Variants in KDM4C observed in about 807,000 individuals in gnomAD.
The protein encoded by KDM4C is lysine demethylase 4C.
Under a neutral mutation model 129.3 loss-of-function variants are expected in KDM4C, and 81 were observed. The ratio of observed to expected loss-of-function variants is 0.63; its 90% CI spans 0.52 to 0.75. The LOEUF is 0.75. KDM4C is among the 30% of genes least tolerant of loss of function. The pLI is 0.00. For synonymous variants in KDM4C, 573 were observed against 456.1 expected (o/e 1.26, Z -3.26); for missense variants, 1,457 against 1,304.0 (o/e 1.12, Z -1.81).
chr9:6,829,627 C>T (rs114963633), intron 4 of KDM4C, among the ~76,000 whole-genome samples: 3,522 of 152,280 alleles, frequency 0.023, 95 homozygotes, highest in African/African-American at 0.077. Flanking sequence ...GGAGACCCCC[C>T]TTTCCTATTC....
intron 8 of KDM4C, 65 bp downstream of exon 8, chr9:6,893,297 C>G (rs779901490): frequency 5.3e-5 from 71 of 1,346,778 alleles, no homozygotes; most frequent in Admixed American, 2.2e-4. Context: ...AGTAGGAACC[C>G]TACGATCCTG....
intron 1 of KDM4C, among the ~76,000 whole-genome samples, chr9:6,780,428 A>G (rs1305611493): frequency 4.0e-5 from 6 of 151,802 alleles, no homozygotes; most frequent in Non-Finnish European, 8.8e-5. Flanking sequence ...CTTCTCAAGT[A>G]TCCTAATTCT....
Position 6,822,978 on chromosome 9 carries a change from C to A in KDM4C, c.435+8233C>A, listed in dbSNP as rs148075356. ...AAGGATCATCAGGTTTGTGTTCTGT[C>A]CTATTTTGGGCTGCATTTCTAGCAA... On this transcript the variant is annotated intron_variant, in intron 4 of 21. Transcript: ENST00000381309. 9.6e-4 allele frequency among the ~76,000 whole-genome samples: 146 copies of A among 152,250 alleles called. No homozygotes were observed. In the East Asian group the frequency reaches 0.017, roughly 17 times the overall value.
chr9:7,001,828 TG>T (rs1820774905), intron 12 of KDM4C, among the ~76,000 whole-genome samples: 1 of 152,156 alleles, frequency 6.6e-6, no homozygotes, highest in African/African-American at 2.4e-5. Flanking sequence ...TGCCATCTTT[TG>T]ACTTTGTATT....
intron 1 of KDM4C, among the ~76,000 whole-genome samples, chr9:6,786,480 A>C (rs2130814141): frequency 6.6e-6 from 1 of 152,342 alleles, no homozygotes; most frequent in Admixed American, 6.5e-5. Flanking sequence ...TTGCCTTCAG[A>C]GATAGTATTG....
chr9:7,159,285 A>G (rs1843523254), intron 19 of KDM4C, among the ~76,000 whole-genome samples: 1 of 152,130 alleles, frequency 6.6e-6, no homozygotes, highest in African/African-American at 2.4e-5. Flanking sequence ...TTCTTTATCC[A>G]GTTTGCCAGT....
At chr9:7,077,341 C>T (rs867779339) in intron 17 of KDM4C, 2 of 485,810 alleles carry the variant, frequency 4.1e-6, no homozygotes, top group Non-Finnish European at 2.7e-6. Context: ...TGCCCCTCCC[C>T]TCAACTACGG....
intron 4 of KDM4C, among the ~76,000 whole-genome samples, chr9:6,831,755 T>G (rs1167471230): frequency 6.6e-6 from 1 of 152,200 alleles, no homozygotes; most frequent in East Asian, 1.9e-4. Context: ...AAAGGGCTTG[T>G]GCCTGCTGAG....
intron 19 of KDM4C, among the ~76,000 whole-genome samples, chr9:7,154,149 G>A (rs1393512594): frequency 1.3e-5 from 2 of 152,198 alleles, no homozygotes; most frequent in Non-Finnish European, 2.9e-5. Context: ...ATTAGACTGG[G>A]GAGAAGGGGG....
intron 18 of KDM4C, among the ~76,000 whole-genome samples, chr9:7,108,833 A>C (rs1837997426): frequency 6.6e-6 from 1 of 152,234 alleles, no homozygotes; most frequent in African/African-American, 2.4e-5. Flanking sequence ...CTAGAATAGT[A>C]GTTCTTATCC....
At chr9:6,761,071 G>A (rs1224073441) in intron 1 of KDM4C, among the ~76,000 whole-genome samples, 4 of 146,190 alleles carry the variant, frequency 2.7e-5, no homozygotes, top group Non-Finnish European at 4.5e-5. Flanking sequence ...TGCCAATGGC[G>A]CGATCTCGGC....
At chr9:6,936,070 C>G (rs1056084328) in intron 8 of KDM4C, among the ~76,000 whole-genome samples, 1 of 152,006 alleles carries the variant, frequency 6.6e-6, no homozygotes, top group Non-Finnish European at 1.5e-5. Flanking sequence ...ACTTATTTGG[C>G]TTTCAAATGG....
chr9:6,919,172 G>GT (rs767519827), intron 8 of KDM4C, among the ~76,000 whole-genome samples: 1 of 151,700 alleles, frequency 6.6e-6, no homozygotes, highest in Non-Finnish European at 1.5e-5. Context: ...CATTGGGGTT[G>GT]TTTTTTGCTT....
intron 8 of KDM4C, among the ~76,000 whole-genome samples, chr9:6,918,931 A>C (rs1563811506): frequency 6.6e-6 from 1 of 152,004 alleles, no homozygotes; most frequent in African/African-American, 2.4e-5. Context: ...AGCTCACTGC[A>C]ACCTCTGCTG....
At chr9:6,834,405 A>C (rs932451709) in intron 4 of KDM4C, 2 of 393,890 alleles carry the variant, frequency 5.1e-6, no homozygotes, top group Non-Finnish European at 9.8e-6. Context: ...GTGAGCACAG[A>C]CCCTGGCCCT....
rs779546036 is a variant in KDM4C at position 7,128,107 on chromosome 9, G to A, written c.2652G>A (p.Thr884=). The change falls in exon 19 of 22, where the codon ACG becomes ACA. Residue 884 remains threonine (T), a synonymous_variant. Coordinates refer to ENST00000381309, the MANE Select transcript of KDM4C (RefSeq NM_015061.6). ...AGAAGGTCATTTCCGTGGGTCAAACGGTCATCACGAAGCATCGGAACACCC... is the reference window on the plus strand; with the variant it reads ...AGAAGGTCATTTCCGTGGGTCAAACAGTCATCACGAAGCATCGGAACACCC... ...ACEKVISVGQ[T]VITKHRNTRY... 11 of 1,608,306 alleles carry A rather than the reference G, an allele frequency of 6.8e-6. No homozygotes were observed. Among genetic ancestry groups the A allele is most frequent in the South Asian group, 3.3e-5 (3 of 90,082 alleles).
chr9:6,990,303 C>T, intron 11 of KDM4C, 113 bp from the exon 12 acceptor site: 1 of 737,698 alleles, frequency 1.4e-6, no homozygotes, highest in Non-Finnish European at 2.3e-6. Flanking sequence ...AGGTAAACAA[C>T]CACAAGATTT....
At chr9:7,013,591 C>T (rs1284395648) in intron 13 of KDM4C, among the ~76,000 whole-genome samples, 197 bp from the exon 14 acceptor site, 1 of 152,076 alleles carries the variant, frequency 6.6e-6, no homozygotes, top group Non-Finnish European at 1.5e-5. Context: ...TTGTCCTTTT[C>T]CTGCAGATTA....
chr9:7,069,719 G>A (rs1832936064), intron 17 of KDM4C, among the ~76,000 whole-genome samples: 1 of 152,140 alleles, frequency 6.6e-6, no homozygotes, highest in African/African-American at 2.4e-5. Flanking sequence ...TGGAAATGTG[G>A]CTGTCATTTT....
Sources: gnomAD v4.1 joint callset for allele counts (sites outside exome capture counted in the v4.1 genomes callset) on GRCh38, gnomAD v4.1.1 for gene constraint, MANE v1.5 for transcripts, NCBI Gene and HGNC (gene_info 2026-07-23, HGNC 2026-07-21) for gene names.